Variants in GREB1L observed in about 807,000 individuals in gnomAD.
GREB1L encodes the protein GREB1-like protein.
In GREB1L, 17 loss-of-function variants were observed where a neutral mutation model predicts 200.8. The ratio of observed to expected loss-of-function variants is 0.08; its 90% CI spans 0.06 to 0.13. The LOEUF (loss-of-function observed/expected upper bound fraction) is 0.13, where lower values mean the gene tolerates loss of function less well. Ranked by LOEUF, GREB1L falls within the 10% of genes least tolerant of loss-of-function variation. The probability of loss-of-function intolerance (pLI) is 1.00; values close to 1 mark genes in which losing one functional copy is unlikely to be tolerated. For missense variants in GREB1L, 1,657 were observed against 2,367.7 expected, an observed-to-expected ratio of 0.70 and a Z score of 6.23; for synonymous variants, 789 against 893.0, an observed-to-expected ratio of 0.88 and a Z score of 2.08.
chr18:21,272,172 C>T (rs983505116), intron 1 of GREB1L, among the ~76,000 whole-genome samples: 6 of 152,294 alleles, frequency 3.9e-5, no homozygotes, highest in Middle Eastern at 3.4e-3. Context: ...TAGTCTGACA[C>T]GGTGAGACAC....
At position 21,384,804 on chromosome 18, in the gene GREB1L, C is replaced by A. The variant is rs540360076; in HGVS notation, c.355+401C>A. ...CTATTCCCCCCCGCCCCCGGCCCTG[C>A]AAACAATCAGAGAGATATTAGAGAT... On this transcript the variant is annotated intron_variant, in intron 4 of 32. Transcript: ENST00000424526. 3.1e-5 allele frequency among the ~76,000 whole-genome samples: 4 copies of A among 130,438 alleles called. No individual in the cohort carries two copies. The East Asian group carries it at 1.1e-3, about 35-fold the overall frequency. 85.6% of individuals were successfully genotyped at this position (130,438 alleles called of 152,430 possible).
rs1301537928 is a variant in GREB1L at position 21,500,276 on chromosome 18, C to G, written c.3939C>G (p.Pro1313=). Residue 1313 remains proline (P), a synonymous_variant, in exon 22 of 33, where the codon CCC becomes CCG. Coordinates refer to ENST00000424526, the MANE Select transcript of GREB1L (RefSeq NM_001142966.3). The part of the protein sequence containing the change: ...DPASGTRNFH[P]RRLLLTGPPQ... ...CCTCTGGCACCCGAAACTTCCACCC[C>G]CGACGGCTCCTGCTGACAGGGCCCC... 1.4e-6 allele frequency: 2 copies of G among 1,404,616 alleles called. No homozygotes were observed. The highest frequency in any genetic ancestry group is 2.5e-5 in the South Asian group (2 of 81,436). The allele number at this position is 1,404,616 out of a possible 1,614,324, so 87.0% of individuals were successfully genotyped here. A position where few individuals can be genotyped will look rare whatever the true frequency, so the allele number is the denominator to read the frequency against.
At chr18:21,262,112 A>G (rs1285502690) in intron 1 of GREB1L, among the ~76,000 whole-genome samples, 1 of 152,184 alleles carries the variant, frequency 6.6e-6, no homozygotes, top group Admixed American at 6.5e-5. Context: ...TAATTTACAG[A>G]TTCTATGACA....
At chr18:21,416,341 GTGGGAGACAAAATA>G (rs1475301037) in intron 7 of GREB1L, among the ~76,000 whole-genome samples, 4 of 152,174 alleles carry the variant, frequency 2.6e-5, no homozygotes, top group African/African-American at 9.7e-5. Context: ...GCCTGAAGGT[GTGGGAGACAAAATA>G]TGTATTTGGA....
At chr18:21,495,096 G>C (rs1384111878) in intron 19 of GREB1L, among the ~76,000 whole-genome samples, 1 of 152,148 alleles carries the variant, frequency 6.6e-6, no homozygotes, top group Non-Finnish European at 1.5e-5. Context: ...CTTCTTGAGA[G>C]AGATTCTTTC....
At chr18:21,303,409 C>G (rs1023379536) in intron 1 of GREB1L, among the ~76,000 whole-genome samples, 2 of 152,098 alleles carry the variant, frequency 1.3e-5, no homozygotes, top group African/African-American at 4.8e-5. Context: ...TAAAAAAATT[C>G]TGAAATATAT....
chr18:21,481,858 A>G (rs2035935333), intron 17 of GREB1L, among the ~76,000 whole-genome samples: 1 of 152,136 alleles, frequency 6.6e-6, no homozygotes, highest in Non-Finnish European at 1.5e-5. Context: ...ATATGACTCC[A>G]CCACAATTCA....
At chr18:21,344,150 C>T (rs2039309154) in intron 1 of GREB1L, among the ~76,000 whole-genome samples, 1 of 152,138 alleles carries the variant, frequency 6.6e-6, no homozygotes, top group Non-Finnish European at 1.5e-5. Flanking sequence ...GCCTGTAATG[C>T]CAGAACTTTG....
chr18:21,495,929 C>T, intron 20 of GREB1L, 144 bp downstream of exon 20: 1 of 537,606 alleles, frequency 1.9e-6, no homozygotes, highest in Non-Finnish European at 3.2e-6. Context: ...AGAAATACAG[C>T]CATACAACCT....
intron 7 of GREB1L, among the ~76,000 whole-genome samples, chr18:21,411,880 C>T (rs2031066351): frequency 6.6e-6 from 1 of 151,564 alleles, no homozygotes; most frequent in South Asian, 2.1e-4. Flanking sequence ...CCCGTCTCTA[C>T]TAAAAATACA....
intron 1 of GREB1L, among the ~76,000 whole-genome samples, chr18:21,333,070 G>A (rs1177172629): frequency 6.6e-6 from 1 of 152,006 alleles, no homozygotes; most frequent in East Asian, 2.0e-4. Context: ...GGGTGACAGA[G>A]ACCCTATGTT....
At chr18:21,282,130 G>A (rs2038279947) in intron 1 of GREB1L, among the ~76,000 whole-genome samples, 1 of 152,036 alleles carries the variant, frequency 6.6e-6, no homozygotes, top group Admixed American at 6.6e-5. Context: ...AAAAAAAGAA[G>A]CCAGGGGTGG....
intron 7 of GREB1L, among the ~76,000 whole-genome samples, chr18:21,435,934 A>G (rs1254783549): frequency 2.6e-5 from 4 of 152,178 alleles, no homozygotes; most frequent in African/African-American, 9.6e-5. Context: ...GTGACAAATG[A>G]TGAGGTCCTT....
chr18:21,515,614 T>G lies in GREB1L; in HGVS notation c.5099T>G (p.Leu1700Trp). 6.4e-7 allele frequency: 1 copy of G among 1,551,634 alleles called. No homozygotes were observed. The highest frequency in any genetic ancestry group is 8.7e-7 in the Non-Finnish European group (1 of 1,146,920). ...GATTTCATTCTCCTCAACACAGACT[T>G]GACTCAGAATGTGCAGTATGACTTC... ...VHDFILLNTDLTQNVQYDFNR... is the reference protein window; with the variant it reads ...VHDFILLNTDWTQNVQYDFNR... The change falls in exon 29 of 33, where the codon TTG (leucine) becomes TGG (tryptophan). Residue 1700 changes from leucine to tryptophan, a missense_variant. By Grantham distance (61) the Leu-to-Trp change is moderately conservative. Around this residue, in one of 9 missense-constraint regions of GREB1L, gnomAD observed 151 missense variants for 309.6 expected, o/e 0.49. Coordinates refer to ENST00000424526, the MANE Select transcript of GREB1L (RefSeq NM_001142966.3).
chr18:21,491,067 C>G (rs1446139002), intron 19 of GREB1L, among the ~76,000 whole-genome samples: 1 of 152,204 alleles, frequency 6.6e-6, no homozygotes, highest in Non-Finnish European at 1.5e-5. Flanking sequence ...AGCCAACTAA[C>G]CTAACTCCCT....
chr18:21,306,321 A>G (rs1439466736), intron 1 of GREB1L, among the ~76,000 whole-genome samples: 1 of 152,200 alleles, frequency 6.6e-6, no homozygotes, highest in African/African-American at 2.4e-5. Context: ...TAGGGAGGAT[A>G]TTCCTGCCAA....
chr18:21,497,821 C>CTTT (rs1555659431), intron 21 of GREB1L, among the ~76,000 whole-genome samples: 3 of 80,954 alleles, frequency 3.7e-5, no homozygotes, highest in African/African-American at 7.5e-5. Context: ...ACCCCCCCCC[C>CTTT]TTTTTTTTTT....
intron 7 of GREB1L, among the ~76,000 whole-genome samples, chr18:21,412,094 A>G (rs1223572348): frequency 2.0e-5 from 3 of 150,292 alleles, no homozygotes; most frequent in Non-Finnish European, 3.0e-5. Context: ...GGGTAAGTAA[A>G]TTGTGAGATA....
At chr18:21,266,071 G>T (rs903147447) in intron 1 of GREB1L, among the ~76,000 whole-genome samples, 2 of 152,094 alleles carry the variant, frequency 1.3e-5, no homozygotes, top group African/African-American at 4.8e-5. Context: ...TAGTTTCCCA[G>T]CCTGCAATTT....
Sources: gnomAD v4.1 joint callset for allele counts (sites outside exome capture counted in the v4.1 genomes callset) on GRCh38, gnomAD v4.1.1 for gene constraint, gnomAD v4.1.1 regional missense constraint, MANE v1.5 for transcripts, NCBI Gene and HGNC (gene_info 2026-07-23, HGNC 2026-07-21) for gene names.